The following PTPRD variants were observed in gnomAD, a reference collection of about 807,000 sequenced individuals.
PTPRD encodes receptor-type tyrosine-protein phosphatase delta.
In PTPRD, 34 loss-of-function variants were observed where a neutral mutation model predicts 214.5. The observed-to-expected ratio is 0.16, with a 90% CI of 0.12 to 0.21. The LOEUF (loss-of-function observed/expected upper bound fraction) is 0.21, where lower values mean the gene tolerates loss of function less well. Ranked by LOEUF, PTPRD falls within the 10% of genes least tolerant of loss-of-function variation. PTPRD has a pLI of 1.00. For synonymous variants in PTPRD, 1,128 were observed against 845.7 expected (o/e 1.33, Z -5.79); for missense variants, 2,545 against 2,398.7 (o/e 1.06, Z -1.27).
intron 3 of PTPRD, among the ~76,000 whole-genome samples, chr9:10,163,878 A>G (rs1390458667): frequency 1.3e-5 from 2 of 151,512 alleles, no homozygotes; most frequent in Admixed American, 6.6e-5. Context: ...CATTTAGAGT[A>G]TTACCATTTT....
intron 2 of PTPRD, among the ~76,000 whole-genome samples, chr9:10,577,108 T>A (rs1367525442): frequency 1.3e-5 from 2 of 150,232 alleles, no homozygotes; most frequent in African/African-American, 4.9e-5. Flanking sequence ...ATTTTTTTTT[T>A]AAACCACTAT....
intron 5 of PTPRD, among the ~76,000 whole-genome samples, chr9:9,878,144 C>T (rs2067466409): frequency 6.6e-6 from 1 of 152,068 alleles, no homozygotes; most frequent in Non-Finnish European, 1.5e-5. Flanking sequence ...AGCTAGAGAA[C>T]AATAGTGGCT....
chr9:8,882,772 C>A (rs1566812634), intron 11 of PTPRD, among the ~76,000 whole-genome samples: 1 of 151,326 alleles, frequency 6.6e-6, no homozygotes, highest in Non-Finnish European at 1.5e-5. Context: ...GCAGTCTCAA[C>A]TACTCAGGAT....
At chr9:10,263,988 G>C (rs1043188987) in intron 3 of PTPRD, among the ~76,000 whole-genome samples, 2 of 152,204 alleles carry the variant, frequency 1.3e-5, no homozygotes, top group African/African-American at 4.8e-5. Context: ...GCTTCAGAGG[G>C]TGCAAGCCCC....
intron 39 of PTPRD, among the ~76,000 whole-genome samples, chr9:8,347,983 C>A (rs368780898): frequency 2.6e-5 from 4 of 151,856 alleles, no homozygotes; most frequent in African/African-American, 9.7e-5. Flanking sequence ...TAACGCAATA[C>A]CTAAAGGTCA....
chr9:9,901,465 C>T (rs778795555), intron 5 of PTPRD, among the ~76,000 whole-genome samples: 5 of 151,864 alleles, frequency 3.3e-5, no homozygotes, highest in Non-Finnish European at 5.9e-5. Context: ...AAGGATGATG[C>T]TACATTAACA....
chr9:8,425,025 A>C (rs533724356), intron 35 of PTPRD, among the ~76,000 whole-genome samples: 1 of 152,346 alleles, frequency 6.6e-6, no homozygotes, highest in South Asian at 2.1e-4. Flanking sequence ...TACACTCCCA[A>C]AGCATGGTGG....
intron 3 of PTPRD, among the ~76,000 whole-genome samples, chr9:10,271,727 G>A (rs1595845942): frequency 6.6e-6 from 1 of 151,766 alleles, no homozygotes; most frequent in South Asian, 2.1e-4. Context: ...GTTTTTAGTA[G>A]AGATGAGGTT....
At chr9:9,783,657 C>T (rs1312622091) in intron 5 of PTPRD, among the ~76,000 whole-genome samples, 1 of 152,002 alleles carries the variant, frequency 6.6e-6, no homozygotes, top group East Asian at 1.9e-4. Flanking sequence ...AAGAACGCTA[C>T]TTTGTACCCC....
In PTPRD at chr9:10,163,028, T is replaced by C. The variant is rs796769826; in HGVS notation, c.-544-129238A>G. 1.7e-4 allele frequency among the ~76,000 whole-genome samples: 25 copies of C among 150,644 alleles called. 1 individual carries two copies. Among genetic ancestry groups the C allele is most frequent in the African/African-American group, 5.6e-4 (23 of 41,302 alleles). ...CTATCTAAATGTCTATCTCTCTATA[T>C]AGAGAGAAAGAGAAAAACACACAAA... is the stretch of plus-strand genomic sequence containing the variant. On this transcript the variant is annotated intron_variant, in intron 3 of 45. Transcript: ENST00000381196.
intron 5 of PTPRD, among the ~76,000 whole-genome samples, chr9:9,840,381 T>C (rs559872200): frequency 2.0e-5 from 3 of 150,916 alleles, no homozygotes; most frequent in East Asian, 3.9e-4. Flanking sequence ...AAAAATAGAC[T>C]TTGTTTTTTT....
rs946577374 is a variant in PTPRD at position 9,133,964 on chromosome 9, A to G, written c.-143+49340T>C. Among the ~76,000 whole-genome samples the G allele has an allele frequency of 4.0e-4, 60 of 150,992 alleles. 1 individual carries two copies. The highest frequency in any genetic ancestry group is 1.4e-3 in the African/African-American group (58 of 41,124). On this transcript the variant is annotated intron_variant, in intron 10 of 45. Coordinates refer to ENST00000381196, the MANE Select transcript of PTPRD (RefSeq NM_002839.4). ...CTCTAATAGATCTCTCAGACTTAAC[A>G]TTTGTGAAATTCCACACCTTACCTC...
chr9:10,208,245 TG>T (rs2099494174), intron 3 of PTPRD, among the ~76,000 whole-genome samples: 2 of 152,214 alleles, frequency 1.3e-5, no homozygotes, highest in South Asian at 2.1e-4. Flanking sequence ...CGGGGCGCGG[TG>T]GCTCAGGCCC....
intron 39 of PTPRD, among the ~76,000 whole-genome samples, chr9:8,364,306 G>A (rs1201353950): frequency 6.6e-6 from 1 of 152,224 alleles, no homozygotes; most frequent in Non-Finnish European, 1.5e-5. Context: ...ACAAAATGGA[G>A]ATTTGGCACA....
At chr9:8,323,280 T>G (rs1254620432) in intron 44 of PTPRD, among the ~76,000 whole-genome samples, 1 of 152,214 alleles carries the variant, frequency 6.6e-6, no homozygotes, top group African/African-American at 2.4e-5. Flanking sequence ...AATGTTCTCA[T>G]GCCTGTGAAC....
chr9:8,639,624 G>A (rs948694045), intron 12 of PTPRD, among the ~76,000 whole-genome samples: 1 of 152,166 alleles, frequency 6.6e-6, no homozygotes, highest in African/African-American at 2.4e-5. Context: ...ATTTTTTAAG[G>A]GATACCGTTG....
chr9:9,401,985 A>C (rs1162791822), intron 8 of PTPRD, among the ~76,000 whole-genome samples: 1 of 152,106 alleles, frequency 6.6e-6, no homozygotes, highest in Non-Finnish European at 1.5e-5. Flanking sequence ...ACCTAGTCTC[A>C]GGCAGTTCAT....
intron 44 of PTPRD, among the ~76,000 whole-genome samples, chr9:8,327,614 C>CTGTCTAATAT (rs571319902): frequency 2.2e-3 from 340 of 152,184 alleles, no homozygotes; most frequent in African/African-American, 7.5e-3. Context: ...TCTCATTGAT[C>CTGTCTAATAT]TGTCTAATAT....
At chr9:9,717,337 C>CT (rs1199639326) in intron 7 of PTPRD, among the ~76,000 whole-genome samples, 1 of 152,112 alleles carries the variant, frequency 6.6e-6, no homozygotes, top group Non-Finnish European at 1.5e-5. Context: ...AATGCGGGCT[C>CT]TTTTTTGGTT....
Sources: gnomAD v4.1 joint callset for allele counts (sites outside exome capture counted in the v4.1 genomes callset) on GRCh38, gnomAD v4.1.1 for gene constraint, MANE v1.5 for transcripts, NCBI Gene and HGNC (gene_info 2026-07-23, HGNC 2026-07-21) for gene names.